The following TLCD4 variants were observed in gnomAD, a reference collection of about 807,000 sequenced individuals.
The protein encoded by TLCD4 is TLC domain-containing protein 4.
Under a neutral mutation model 24.2 loss-of-function variants are expected in TLCD4, and 7 were observed. The observed-to-expected ratio is 0.29, with a 90% CI of 0.16 to 0.54. The LOEUF (loss-of-function observed/expected upper bound fraction) is 0.54. Ranked by LOEUF, TLCD4 falls within the 20% of genes least tolerant of loss-of-function variation. The pLI, the probability that TLCD4 is intolerant of heterozygous loss-of-function variation, is 0.95. For missense variants in TLCD4, 259 were observed against 313.9 expected (o/e 0.82, Z 1.32); for synonymous variants, 103 against 106.4 (o/e 0.97, Z 0.20).
chr1:95,152,450 T>A (rs1277672389), intron 5 of TLCD4, among the ~76,000 whole-genome samples: 1 of 152,104 alleles, frequency 6.6e-6, no homozygotes, highest in East Asian at 1.9e-4. Flanking sequence ...TGTAACCATT[T>A]AAGCTGTTTG....
the TLCD4 span, among the ~76,000 whole-genome samples, chr1:95,112,098 G>T: frequency 6.6e-6 from 1 of 151,990 alleles, no homozygotes; most frequent in East Asian, 1.9e-4. Flanking sequence ...ATTGTATGAC[G>T]GTTAGCAGCA....
chr1:95,159,229 A>G (rs1333951195), intron 5 of TLCD4, among the ~76,000 whole-genome samples: 3 of 152,174 alleles, frequency 2.0e-5, no homozygotes, highest in Non-Finnish European at 2.9e-5. Flanking sequence ...ATCTCATTGT[A>G]GTTTTGATTT....
chr1:95,099,063 A>G, the TLCD4 span, among the ~76,000 whole-genome samples: 1 of 150,676 alleles, frequency 6.6e-6, no homozygotes, highest in Non-Finnish European at 1.5e-5. Context: ...CAAAAAAAAA[A>G]AAAAAAAAAA....
At position 95,174,535 on chromosome 1, in the gene TLCD4, A is replaced by T. The variant is rs538553696; in HGVS notation, c.473+646A>T. 8.3e-3 allele frequency among the ~76,000 whole-genome samples: 601 copies of T among 72,744 alleles called. 4 individuals carry two copies. The highest frequency in any genetic ancestry group is 0.056 in the African/African-American group (558 of 10,046). The allele number at this position is 72,744 out of a possible 152,430, so 47.7% of individuals were successfully genotyped here. On this transcript the variant is annotated intron_variant, in intron 6 of 6. Coordinates refer to ENST00000370203, the MANE Select transcript of TLCD4 (RefSeq NM_152487.3). ...AAAAAAAAAAAAAAAAAGAAAAAAGAAAATTAGCTGGGCACGATGGTGCTT... is the reference window on the plus strand; with the variant it reads ...AAAAAAAAAAAAAAAAAGAAAAAAGTAAATTAGCTGGGCACGATGGTGCTT...
At chr1:95,106,740 T>G in the TLCD4 span, among the ~76,000 whole-genome samples, 2 of 152,084 alleles carry the variant, frequency 1.3e-5, no homozygotes, top group Non-Finnish European at 2.9e-5. Context: ...AATAAAAAAT[T>G]ATTAATATAT....
chr1:95,187,380 G>T (rs551682219), intron 6 of TLCD4, among the ~76,000 whole-genome samples: 5 of 152,270 alleles, frequency 3.3e-5, no homozygotes, highest in Non-Finnish European at 7.4e-5. Context: ...TTTCATGTCT[G>T]CTTAGGCTAC....
chr1:95,173,825 G>A lies in TLCD4; in HGVS notation c.409G>A (p.Val137Met). ...TATGTTTATCATTCAGAAAAATGGA[G>A]TGCTGGCATACATTGGGAATTTTCG... is the stretch of plus-strand genomic sequence containing the variant. ...YAYYLVLKNGVLAYIGNFRLL... is the reference protein window; with the variant it reads ...YAYYLVLKNGMLAYIGNFRLL... The change falls in exon 6 of 7, where the codon GTG becomes ATG. Residue 137 changes from valine (V) to methionine (M), a missense_variant. Coordinates refer to ENST00000370203, the MANE Select transcript of TLCD4 (RefSeq NM_152487.3). The A allele has an allele frequency of 1.2e-6, 2 of 1,614,100 alleles. No individual in the cohort carries two copies. The highest frequency in any genetic ancestry group is 1.7e-6 in the Non-Finnish European group (2 of 1,180,006).
chr1:95,124,203 T>TAAAGAAGGA (rs1676649775), intron 1 of TLCD4, among the ~76,000 whole-genome samples: 1 of 152,188 alleles, frequency 6.6e-6, no homozygotes, highest in Non-Finnish European at 1.5e-5. Flanking sequence ...ATATTTAGTA[T>TAAAGAAGGA]AAAGAAGGAA....
chr1:95,106,631 T>C, the TLCD4 span, among the ~76,000 whole-genome samples: 5 of 152,226 alleles, frequency 3.3e-5, no homozygotes, highest in Non-Finnish European at 5.9e-5. Flanking sequence ...ATGTGGAAGT[T>C]GCAGGGAGCC....
the TLCD4 span, among the ~76,000 whole-genome samples, chr1:95,111,601 G>T: frequency 1.3e-5 from 2 of 152,244 alleles, no homozygotes; most frequent in African/African-American, 4.8e-5. Flanking sequence ...GTAAAAGCCA[G>T]AAATTGGACA....
chr1:95,101,109 A>G, the TLCD4 span, among the ~76,000 whole-genome samples: 5 of 151,782 alleles, frequency 3.3e-5, no homozygotes, highest in African/African-American at 9.7e-5. Flanking sequence ...TGGTTTCACC[A>G]TCTTGGCCAG....
chr1:95,179,458 A>G (rs985753116), intron 6 of TLCD4, among the ~76,000 whole-genome samples: 1 of 152,202 alleles, frequency 6.6e-6, no homozygotes, highest in Admixed American at 6.5e-5. Flanking sequence ...GCAGAATTGC[A>G]TAGTTCTGAC....
chr1:95,181,960 G>GTCT (rs772482613), intron 6 of TLCD4, among the ~76,000 whole-genome samples: 5 of 152,106 alleles, frequency 3.3e-5, no homozygotes, highest in Non-Finnish European at 5.9e-5. Flanking sequence ...GATTCATCAT[G>GTCT]TCTTGGTCAT....
At chr1:95,147,767 T>C (rs1341438537) in intron 2 of TLCD4, among the ~76,000 whole-genome samples, 1 of 146,502 alleles carries the variant, frequency 6.8e-6, no homozygotes, top group Non-Finnish European at 1.5e-5. Flanking sequence ...CCTAATGAAG[T>C]TTCATTACTT....
chr1:95,095,248 G>C, the TLCD4 span, among the ~76,000 whole-genome samples: 1 of 152,104 alleles, frequency 6.6e-6, no homozygotes, highest in African/African-American at 2.4e-5. Flanking sequence ...TTTCAAGGAG[G>C]TCAAAAACAG....
At position 95,186,963 on chromosome 1, in the gene TLCD4, A is replaced by G. The variant is rs1026115365; in HGVS notation, c.474-4587A>G. Among the ~76,000 whole-genome samples, 8 of 152,336 alleles carry G rather than the reference A, an allele frequency of 5.3e-5. No individual in the cohort carries two copies. The East Asian group carries it at 1.5e-3, about 29-fold the overall frequency. ...TATGTTGAACAATTTTAGCTTAATC[A>G]TGACTAATTCAGTTAAATTGAATAT... On this transcript the variant is annotated intron_variant, in intron 6 of 6. Coordinates refer to ENST00000370203, the MANE Select transcript of TLCD4 (RefSeq NM_152487.3).
intron 1 of TLCD4, among the ~76,000 whole-genome samples, chr1:95,143,254 A>G (rs1277836890): frequency 6.6e-6 from 1 of 152,126 alleles, no homozygotes; most frequent in Non-Finnish European, 1.5e-5. Context: ...ATTTAGTTCT[A>G]GGAAGTCAGT....
At chr1:95,099,648 A>G in the TLCD4 span, among the ~76,000 whole-genome samples, 1 of 152,184 alleles carries the variant, frequency 6.6e-6, no homozygotes, top group East Asian at 1.9e-4. Context: ...TTAATAAACA[A>G]GAATGATCCT....
chr1:95,123,215 A>G (rs565880091), intron 1 of TLCD4, among the ~76,000 whole-genome samples: 1 of 152,338 alleles, frequency 6.6e-6, no homozygotes, highest in East Asian at 1.9e-4. Context: ...AATTTGTTAC[A>G]TGTAAGGACT....
Sources: gnomAD v4.1 joint callset for allele counts (sites outside exome capture counted in the v4.1 genomes callset) on GRCh38, gnomAD v4.1.1 for gene constraint, MANE v1.5 for transcripts, NCBI Gene and HGNC (gene_info 2026-07-23, HGNC 2026-07-21) for gene names.